KCNQ1: variants seen among roughly 807,000 people sequenced by gnomAD.
KCNQ1 encodes the protein potassium voltage-gated channel subfamily Q member 1, also known as potassium voltage-gated channel subfamily KQT member 1.
In KCNQ1, 49 loss-of-function variants were observed where a neutral mutation model predicts 72.4. The observed-to-expected ratio is 0.68, with a 90% CI of 0.54 to 0.86. The LOEUF is 0.86. Among genes scored for constraint, KCNQ1 ranks in the 40% least tolerant of loss-of-function variants. The pLI is 0.00. For missense variants in KCNQ1, 790 were observed against 945.1 expected (o/e 0.84, Z 2.15); for synonymous variants, 450 against 412.6 (o/e 1.09, Z -1.10).
At chr11:2,521,406 A>G (rs564349061) in intron 1 of KCNQ1, 1 of 434,308 alleles carries the variant, frequency 2.3e-6, no homozygotes, top group South Asian at 1.7e-5. Flanking sequence ...CTCTCTGCTC[A>G]TGTCCTTCCA....
chr11:2,726,204 C>T (rs1026719606), intron 11 of KCNQ1, among the ~76,000 whole-genome samples: 1 of 152,212 alleles, frequency 6.6e-6, no homozygotes, highest in African/African-American at 2.4e-5. Context: ...GGGTGGGTCC[C>T]GGGCAGTGGC....
intron 7 of KCNQ1, among the ~76,000 whole-genome samples, chr11:2,584,842 G>C (rs983853140): frequency 2.0e-5 from 3 of 152,128 alleles, no homozygotes; most frequent in Non-Finnish European, 4.4e-5. Flanking sequence ...GGCAGCAGCA[G>C]GGTCCTCCTC....
At chr11:2,534,549 C>T (rs1319654606) in intron 2 of KCNQ1, among the ~76,000 whole-genome samples, 3 of 152,214 alleles carry the variant, frequency 2.0e-5, no homozygotes, top group Non-Finnish European at 2.9e-5. Flanking sequence ...ATGGGTCTGA[C>T]GAAGCCCCGT....
At chr11:2,807,093 T>C (rs1590101948) in intron 15 of KCNQ1, among the ~76,000 whole-genome samples, 2 of 152,226 alleles carry the variant, frequency 1.3e-5, no homozygotes, top group African/African-American at 2.4e-5. Context: ...ATGAAGTAAA[T>C]GGGACGATGA....
intron 13 of KCNQ1, 69 bp downstream of exon 13, chr11:2,776,123 CA>C (rs1291134870): frequency 2.2e-6 from 3 of 1,339,730 alleles, no homozygotes; most frequent in Non-Finnish European, 3.1e-6. Flanking sequence ...GCTGCATGAT[CA>C]GCGGTGCCGG....
In KCNQ1 at chr11:2,616,223, GT is replaced by G. The variant is rs138326980; in HGVS notation, c.1393+27378del. 2.6e-4 allele frequency: 101 copies of G among 386,378 alleles called. 1 individual carries two copies. The highest frequency in any genetic ancestry group is 1.2e-3 in the African/African-American group (55 of 46,384). 23.9% of individuals were successfully genotyped at this position (386,378 alleles called of 1,614,324 possible). Reference sequence around the variant, plus strand: ...ACTTTTGTTTTTTTTTCTTATTTTTGTTTTTTTTTGTTGTGTTCCTACTTTT... The same window carrying G: ...ACTTTTGTTTTTTTTTCTTATTTTTGTTTTTTTTGTTGTGTTCCTACTTTT... On this transcript the variant is annotated intron_variant, in intron 10 of 15. Transcript: ENST00000155840.
At chr11:2,770,817 C>T (rs1846583119) in intron 12 of KCNQ1, among the ~76,000 whole-genome samples, 1 of 152,240 alleles carries the variant, frequency 6.6e-6, no homozygotes, top group African/African-American at 2.4e-5. Flanking sequence ...AGGGAGCTCA[C>T]TCGGGGGCAA....
chr11:2,756,846 C>G (rs1389809361), intron 11 of KCNQ1, among the ~76,000 whole-genome samples: 2 of 149,212 alleles, frequency 1.3e-5, no homozygotes, highest in African/African-American at 4.9e-5. Flanking sequence ...ATTATATTAG[C>G]ACAACCGGGA....
intron 15 of KCNQ1, among the ~76,000 whole-genome samples, chr11:2,835,229 G>T (rs1848035519): frequency 6.6e-6 from 1 of 152,108 alleles, no homozygotes; most frequent in Non-Finnish European, 1.5e-5. Flanking sequence ...GGGTGGGCAG[G>T]GCTCCCTGCG....
At chr11:2,812,688 C>T (rs1847515470) in intron 15 of KCNQ1, among the ~76,000 whole-genome samples, 1 of 152,220 alleles carries the variant, frequency 6.6e-6, no homozygotes. Flanking sequence ...TGCTCAAGCC[C>T]CCCATGGCCT....
intron 2 of KCNQ1, among the ~76,000 whole-genome samples, chr11:2,561,511 C>T (rs1247555687): frequency 2.6e-5 from 4 of 152,234 alleles, no homozygotes; most frequent in African/African-American, 4.8e-5. Context: ...GTTGTCATTT[C>T]GCCCTCCCCA....
chr11:2,666,136 T>A, intron 11 of KCNQ1: 1 of 398,570 alleles, frequency 2.5e-6, no homozygotes, highest in Non-Finnish European at 4.4e-6. Context: ...GTCTCTTCTG[T>A]TTTGGCATCT....
At chr11:2,609,299 G>A (rs1457696951) in intron 10 of KCNQ1, 1 of 398,176 alleles carries the variant, frequency 2.5e-6, no homozygotes, top group Admixed American at 4.4e-5. Flanking sequence ...TAAGAATGTA[G>A]TGTTGTTTAA....
intron 11 of KCNQ1, among the ~76,000 whole-genome samples, chr11:2,706,211 A>G (rs1232894688): frequency 6.6e-6 from 1 of 152,228 alleles, no homozygotes; most frequent in African/African-American, 2.4e-5. Context: ...CAAATAAAAT[A>G]TGGAAGAAGT....
Position 2,642,694 on chromosome 11 carries a change from T to C in KCNQ1, c.1394-19267T>C. The C allele has an allele frequency of 2.5e-6, 1 of 397,970 alleles. No homozygotes were observed. The highest frequency in any genetic ancestry group is 4.4e-6 in the Non-Finnish European group (1 of 225,704). The allele number at this position is 397,970 out of a possible 1,614,324, so 24.7% of individuals were successfully genotyped here. A position where few individuals can be genotyped will look rare whatever the true frequency, so the allele number is the denominator to read the frequency against. On this transcript the variant is annotated intron_variant, in intron 10 of 15. Transcript: ENST00000155840. The surrounding 1 kb of genome is among the most constrained non-coding windows in gnomAD (Gnocchi z 4.3). ...CTGATCTTCGTTATTTCTTTCCTTC[T>C]ACTAATTTTATGTTTAGTATGGTTT...
Position 2,471,617 on chromosome 11 carries a change from TGTGTGCAC to T in KCNQ1, c.386+26136_386+26143del, listed in dbSNP as rs1364910060. ...GTGCGTGTGCACCTGTGTATATGGG[TGTGTGCAC>T]GTATGCACGGATGTGTGTACACATG... On this transcript the variant is annotated intron_variant, in intron 1 of 15. Transcript: ENST00000155840. The surrounding 1 kb of genome is among the most constrained non-coding windows in gnomAD (Gnocchi z 4.8). Among the ~76,000 whole-genome samples, 2 of 150,064 alleles carry T rather than the reference TGTGTGCAC, an allele frequency of 1.3e-5. No individual in the cohort carries two copies. The highest frequency in any genetic ancestry group is 3.0e-5 in the Non-Finnish European group (2 of 67,490).
intron 11 of KCNQ1, among the ~76,000 whole-genome samples, chr11:2,726,177 G>A (rs1016670103): frequency 6.6e-6 from 1 of 152,222 alleles, no homozygotes; most frequent in Admixed American, 6.5e-5. Flanking sequence ...GCTGGCCAGG[G>A]CAGAGGAGCA....
At chr11:2,576,831 G>A (rs533114037) in intron 6 of KCNQ1, among the ~76,000 whole-genome samples, 25 of 152,378 alleles carry the variant, frequency 1.6e-4, no homozygotes, top group Admixed American at 7.8e-4. Context: ...CCAAGGCGCC[G>A]TGGGCCGAGG....
rs1253611179 is a variant in KCNQ1, at chr11:2,659,480, T to C, written c.1394-2481T>C. 3 of 398,594 alleles carry C rather than the reference T, an allele frequency of 7.5e-6. No homozygotes were observed. Among genetic ancestry groups the C allele is most frequent in the South Asian group, 1.3e-4 (1 of 7,862 alleles). The allele number at this position is 398,594 out of a possible 1,614,324, so 24.7% of individuals were successfully genotyped here. A position where few individuals can be genotyped will look rare whatever the true frequency, so the allele number is the denominator to read the frequency against. ...TGGGTGGTATTCCATTGCATGAATA[T>C]ATACATTTTGTTTATGCATTCACCT... On this transcript the variant is annotated intron_variant, in intron 10 of 15. Coordinates refer to ENST00000155840, the MANE Select transcript of KCNQ1 (RefSeq NM_000218.3). This position sits in a 1 kb window ranked among gnomAD's most constrained non-coding sequence, Gnocchi z 4.3.
Sources: allele counts gnomAD v4.1 joint callset (sites outside exome capture counted in the v4.1 genomes callset), GRCh38; gene constraint gnomAD v4.1.1; non-coding constraint Gnocchi (gnomAD v3.1); transcripts MANE v1.5; gene names NCBI Gene and HGNC (gene_info 2026-07-23, HGNC 2026-07-21).